FEZ1: variants seen among roughly 807,000 people sequenced by gnomAD.
FEZ1 encodes fasciculation and elongation protein zeta-1.
FEZ1 carries 20 observed loss-of-function variants against 49.3 expected under a neutral mutation model. That is an observed-to-expected ratio of 0.41 (90% CI 0.29 to 0.59). FEZ1 has a LOEUF of 0.59. FEZ1 is among the 20% of genes least tolerant of loss of function. The probability of loss-of-function intolerance (pLI) is 0.36; values close to 1 mark genes in which losing one functional copy is unlikely to be tolerated. For synonymous variants in FEZ1, 170 were observed against 180.9 expected (o/e 0.94, Z 0.48); for missense variants, 413 against 476.0 (o/e 0.87, Z 1.23).
chr11:125,449,441 A>AAAAAAAAAAAAGAAG (rs796507357), intron 8 of FEZ1, among the ~76,000 whole-genome samples: 4 of 128,146 alleles, frequency 3.1e-5, no homozygotes, highest in African/African-American at 8.3e-5. Flanking sequence ...AAAAAAAAAA[A>AAAAAAAAAAAAGAAG]AAGAAGAAGA....
chr11:125,449,441 A>AAAAAAAAAAAAAAG (rs796507357), intron 8 of FEZ1, among the ~76,000 whole-genome samples: 47 of 128,208 alleles, frequency 3.7e-4, no homozygotes, highest in Non-Finnish European at 5.2e-4. Flanking sequence ...AAAAAAAAAA[A>AAAAAAAAAAAAAAG]AAGAAGAAGA....
chr11:125,492,745 C>G (rs1176580955), intron 1 of FEZ1, among the ~76,000 whole-genome samples: 1 of 152,130 alleles, frequency 6.6e-6, no homozygotes. Flanking sequence ...TAAATGAGAT[C>G]ATCTTTGAAG....
chr11:125,472,686 A>G (rs1243327544), intron 3 of FEZ1, among the ~76,000 whole-genome samples: 1 of 152,172 alleles, frequency 6.6e-6, no homozygotes, highest in East Asian at 1.9e-4. Context: ...CAAAGTAGAG[A>G]TAGAGAGGAT....
At chr11:125,456,131 A>G (rs1405263825) in intron 5 of FEZ1, 25 bp from the exon 6 acceptor site, 1 of 1,549,810 alleles carries the variant, frequency 6.5e-7, no homozygotes. Context: ...CGTCTCCCGC[A>G]TAACACCTGC....
chr11:125,481,604 A>G lies in FEZ1; in HGVS notation c.341T>C (p.Ile114Thr). 1 of 1,612,774 alleles carries G rather than the reference A, an allele frequency of 6.2e-7. No individual in the cohort carries two copies. The highest frequency in any genetic ancestry group is 8.5e-7 in the Non-Finnish European group (1 of 1,179,006). The change falls in exon 3 of 10, where the codon ATC (isoleucine) becomes ACC (threonine). Residue 114 changes from isoleucine (I) to threonine (T), a missense_variant. Transcript: ENST00000278919. ...EVWDALTDNY[I>T]PSLSEDWRDP... Reference sequence around the variant, plus strand: ...CCTCCAGTCTTCTGAGAGTGAAGGGATGTAATTGTCTGTCAGAGCATCCCA... The same window carrying G: ...CCTCCAGTCTTCTGAGAGTGAAGGGGTGTAATTGTCTGTCAGAGCATCCCA...
rs528743353 is a variant in FEZ1 at position 125,479,717 on chromosome 11, G to T, written c.411+1817C>A. Among the ~76,000 whole-genome samples the T allele has an allele frequency of 2.0e-5, 3 of 152,322 alleles. No individual in the cohort carries two copies. In the East Asian group the frequency reaches 5.8e-4, roughly 29 times the overall value. On this transcript the variant is annotated intron_variant, in intron 3 of 9. Transcript: ENST00000278919. ...CTACCATGTGGGGACACAGTGAGAA[G>T]GTGCCGTCTGTGAACCAGAAAGCAG... is the stretch of plus-strand genomic sequence containing the variant.
Position 125,489,651 on chromosome 11 carries a change from G to C in FEZ1, c.127C>G (p.Leu43Val). ...SSPHHLEDPSLSELENFSSEI... is the reference protein window; with the variant it reads ...SSPHHLEDPSVSELENFSSEI... The stretch of plus-strand genomic sequence containing the variant: ...GAAGAAAAATTCTCAAGCTCGGAGA[G>C]GGAGGGGTCCTCGAGATGGTGGGGA... The change falls in exon 2 of 10, where the codon CTC (leucine) becomes GTC (valine). Residue 43 changes from leucine (L) to valine (V), a missense_variant. Transcript: ENST00000278919. This position sits in a 1 kb window ranked among gnomAD's most constrained non-coding sequence, Gnocchi z 4.2. 1 of 1,614,082 alleles carries C rather than the reference G, an allele frequency of 6.2e-7. No homozygotes were observed. Among genetic ancestry groups the C allele is most frequent in the Non-Finnish European group, 8.5e-7 (1 of 1,179,978 alleles).
intron 3 of FEZ1, among the ~76,000 whole-genome samples, chr11:125,470,919 T>G (rs751438812): frequency 6.6e-6 from 1 of 152,134 alleles, no homozygotes; most frequent in Non-Finnish European, 1.5e-5. Context: ...ATAATGTAGA[T>G]TGAAATAAAA....
chr11:125,489,519 C>T lies in FEZ1; in HGVS notation c.259G>A (p.Val87Met), dbSNP rs201008990. ...YNAKTENLAPVKNQLQIQEEE... is the reference protein window; with the variant it reads ...YNAKTENLAPMKNQLQIQEEE... ...TCTTGGATCTGTAACTGGTTCTTCA[C>T]GGGAGCTAGGTTCTCGGTCTTGGCG... is the stretch of plus-strand genomic sequence containing the variant. Residue 87 changes from valine (V) to methionine (M), a missense_variant, in exon 2 of 10, where the codon GTG becomes ATG. Coordinates refer to ENST00000278919, the MANE Select transcript of FEZ1 (RefSeq NM_005103.5). The surrounding 1 kb of genome is among the most constrained non-coding windows in gnomAD (Gnocchi z 4.2). 1.4e-4 allele frequency: 233 copies of T among 1,614,066 alleles called. No individual in the cohort carries two copies. The highest frequency in any genetic ancestry group is 1.9e-4 in the Non-Finnish European group (223 of 1,179,980).
intron 3 of FEZ1, among the ~76,000 whole-genome samples, chr11:125,472,482 T>C (rs1373338357): frequency 1.3e-5 from 2 of 152,058 alleles, no homozygotes; most frequent in African/African-American, 2.4e-5. Context: ...TATAAACAAA[T>C]GAATGTTCAA....
At chr11:125,453,988 G>A (rs1470371679) in intron 7 of FEZ1, 142 bp downstream of exon 7, 3 of 450,856 alleles carry the variant, frequency 6.7e-6, no homozygotes, top group East Asian at 7.3e-5. Flanking sequence ...TCCTCCTTAA[G>A]AGGAGAAAAA....
chr11:125,495,573 G>A lies in FEZ1; in HGVS notation c.-46+548C>T, dbSNP rs1957454713. The A allele has an allele frequency of 2.1e-6, 1 of 470,794 alleles. No individual in the cohort carries two copies. The highest frequency in any genetic ancestry group is 1.5e-5 in the South Asian group (1 of 64,544). 29.2% of individuals were successfully genotyped at this position (470,794 alleles called of 1,614,324 possible). A position where few individuals can be genotyped will look rare whatever the true frequency, so the allele number is the denominator to read the frequency against. ...GACACTGCAGGAATGCGCGGTCTGG[G>A]GAAGGCTCCGCACTCTGGGGAGGGG... On this transcript the variant is annotated intron_variant, in intron 1 of 9. Transcript: ENST00000278919. This position sits in a 1 kb window ranked among gnomAD's most constrained non-coding sequence, Gnocchi z 4.2.
intron 3 of FEZ1, among the ~76,000 whole-genome samples, chr11:125,469,540 G>A (rs374595622): frequency 4.6e-5 from 7 of 152,140 alleles, no homozygotes; most frequent in African/African-American, 1.7e-4. Context: ...GATTACAGGC[G>A]TGAGCTATCA....
chr11:125,444,058 T>C lies in FEZ1; in HGVS notation c.*2037A>G, dbSNP rs998239787. Among the ~76,000 whole-genome samples the C allele has an allele frequency of 6.6e-6, 1 of 152,210 alleles. No individual in the cohort carries two copies. Among genetic ancestry groups the C allele is most frequent in the Non-Finnish European group, 1.5e-5 (1 of 68,038 alleles). ...CATGCTAATGACCTCACACCACTAA[T>C]GACCCTGGGCATGTTCAGCCTTAGC... On this transcript the variant is annotated 3_prime_UTR_variant, in exon 10 of 10. Coordinates refer to ENST00000278919, the MANE Select transcript of FEZ1 (RefSeq NM_005103.5).
chr11:125,481,947 C>T (rs778052529), intron 2 of FEZ1, among the ~76,000 whole-genome samples: 1 of 152,166 alleles, frequency 6.6e-6, no homozygotes, highest in Non-Finnish European at 1.5e-5. Flanking sequence ...AAATCTGCCC[C>T]TCATCCAAAT....
chr11:125,473,802 G>A (rs191643298), intron 3 of FEZ1, among the ~76,000 whole-genome samples: 4 of 135,364 alleles, frequency 3.0e-5, no homozygotes, highest in South Asian at 5.2e-4. Flanking sequence ...CTGGGCAACA[G>A]AGCAAGACTC....
At chr11:125,457,945 C>G (rs1009317240) in intron 5 of FEZ1, among the ~76,000 whole-genome samples, 3 of 152,154 alleles carry the variant, frequency 2.0e-5, no homozygotes, top group Non-Finnish European at 2.9e-5. Flanking sequence ...GCCCTCTCCC[C>G]CTTCTGTTTT....
chr11:125,461,602 G>A (rs1041358709), intron 4 of FEZ1, among the ~76,000 whole-genome samples: 1 of 152,128 alleles, frequency 6.6e-6, no homozygotes, highest in Non-Finnish European at 1.5e-5. Flanking sequence ...GCCAGATCCT[G>A]TTTCAACAAC....
At chr11:125,467,343 A>G (rs1283311057) in intron 3 of FEZ1, among the ~76,000 whole-genome samples, 1 of 152,194 alleles carries the variant, frequency 6.6e-6, no homozygotes. Context: ...CCTGGTAACT[A>G]TGTCCCTTTT....
Sources: gnomAD v4.1 joint callset for allele counts (sites outside exome capture counted in the v4.1 genomes callset) on GRCh38, gnomAD v4.1.1 for gene constraint, Gnocchi (gnomAD v3.1) non-coding constraint, MANE v1.5 for transcripts, NCBI Gene and HGNC (gene_info 2026-07-23, HGNC 2026-07-21) for gene names.